The following EGFLAM variants were observed in gnomAD, a reference collection of about 807,000 sequenced individuals.
The protein encoded by EGFLAM is EGF like, fibronectin type III and laminin G domains.
A neutral mutation model predicts 113.1 loss-of-function variants in EGFLAM; 79 were observed. The ratio of observed to expected loss-of-function variants is 0.70; its 90% CI spans 0.58 to 0.84. The LOEUF (loss-of-function observed/expected upper bound fraction) is 0.84. Among genes scored for constraint, EGFLAM ranks in the 40% least tolerant of loss-of-function variants. The pLI is 0.00. For synonymous variants in EGFLAM, 504 were observed against 487.6 expected (o/e 1.03, Z -0.44); for missense variants, 1,265 against 1,291.6 (o/e 0.98, Z 0.32).
At chr5:38,368,839 C>T (rs1740134414) in intron 5 of EGFLAM, among the ~76,000 whole-genome samples, 1 of 151,900 alleles carries the variant, frequency 6.6e-6, no homozygotes, top group Non-Finnish European at 1.5e-5. Context: ...CTGTTCAGTG[C>T]CTTAGTTCCC....
intron 1 of EGFLAM, among the ~76,000 whole-genome samples, chr5:38,279,350 C>A (rs1757962572): frequency 1.3e-5 from 2 of 152,138 alleles, no homozygotes; most frequent in Non-Finnish European, 2.9e-5. Flanking sequence ...TATGAACCAG[C>A]AATCCCACTA....
At chr5:38,357,563 A>G (rs1194571245) in intron 5 of EGFLAM, among the ~76,000 whole-genome samples, 2 of 152,130 alleles carry the variant, frequency 1.3e-5, no homozygotes, top group Non-Finnish European at 2.9e-5. Context: ...CTTCCTGTGT[A>G]CAGAAGCACA....
chr5:38,372,243 A>G (rs1740243511), intron 6 of EGFLAM, among the ~76,000 whole-genome samples: 1 of 151,930 alleles, frequency 6.6e-6, no homozygotes, highest in Admixed American at 6.6e-5. Context: ...CCCAGGTTCA[A>G]GCAATTCTCC....
rs180788191 is a variant in EGFLAM at position 38,331,418 on chromosome 5, A to G, written c.98-6102A>G. Among the ~76,000 whole-genome samples the G allele has an allele frequency of 1.4e-3, 212 of 152,250 alleles. 2 individuals are homozygous for G. Among genetic ancestry groups the G allele is most frequent in the Non-Finnish European group, 5.3e-4 (36 of 68,022 alleles). On this transcript the variant is annotated intron_variant, in intron 1 of 21. Coordinates refer to ENST00000322350, the MANE Select transcript of EGFLAM (RefSeq NM_152403.4). Reference sequence around the variant, plus strand: ...GCCTATTCATCCCTTGCTCTCTCCTAATACCTGGCAACCACTGGTCTTTTT... The same window carrying G: ...GCCTATTCATCCCTTGCTCTCTCCTGATACCTGGCAACCACTGGTCTTTTT...
chr5:38,403,138 CAG>C (rs1479828341), intron 6 of EGFLAM: 1 of 152,084 alleles, frequency 6.6e-6, no homozygotes, highest in African/African-American at 2.4e-5. Flanking sequence ...AGGGAAAGGA[CAG>C]AGGGGAGAAA....
intron 1 of EGFLAM, among the ~76,000 whole-genome samples, chr5:38,314,263 C>T (rs1194437040): frequency 6.6e-6 from 1 of 152,138 alleles, no homozygotes; most frequent in Non-Finnish European, 1.5e-5. Context: ...CCCATTTATC[C>T]AAGATGTCTT....
chr5:38,263,622 CA>C (rs1349435448), intron 1 of EGFLAM, among the ~76,000 whole-genome samples: 1 of 152,062 alleles, frequency 6.6e-6, no homozygotes, highest in African/African-American at 2.4e-5. Flanking sequence ...TGGTGTCTTT[CA>C]AAATGTAGAA....
intron 17 of EGFLAM, chr5:38,445,550 A>G: frequency 6.3e-7 from 1 of 1,585,906 alleles, no homozygotes; most frequent in African/African-American, 1.3e-5. Context: ...GACGTTCTGG[A>G]CTCTCGGGCA....
chr5:38,295,450 T>C (rs548176252), intron 1 of EGFLAM, among the ~76,000 whole-genome samples: 2 of 152,262 alleles, frequency 1.3e-5, no homozygotes, highest in Admixed American at 6.5e-5. Flanking sequence ...TGAATAAAGT[T>C]TAGATTGAAA....
At chr5:38,388,598 ATG>A (rs1318217891) in intron 6 of EGFLAM, among the ~76,000 whole-genome samples, 1,655 of 151,634 alleles carry the variant, frequency 0.011, 45 homozygotes, top group African/African-American at 0.038. Context: ...ATATATATAT[ATG>A]TATATATAAA....
intron 3 of EGFLAM, among the ~76,000 whole-genome samples, chr5:38,349,772 C>T (rs1015243400): frequency 7.7e-5 from 8 of 103,988 alleles, no homozygotes; most frequent in East Asian, 6.5e-4. Context: ...GAAGTACACA[C>T]GCACACACAC....
At chr5:38,419,733 A>G (rs540876768) in intron 12 of EGFLAM, among the ~76,000 whole-genome samples, 2 of 152,308 alleles carry the variant, frequency 1.3e-5, no homozygotes, top group Admixed American at 6.5e-5. Flanking sequence ...TACTTTACAG[A>G]TAAGAACCAA....
In EGFLAM at chr5:38,456,525, C is replaced by T. The variant is rs1415731399; in HGVS notation, c.2688-1786C>T. ...CAAGGAGGTACTTGATGTGGGAAAA[C>T]TCATTAGAAAACAGTGGACTTTTCA... On this transcript the variant is annotated intron_variant, in intron 19 of 21. Coordinates refer to ENST00000322350, the MANE Select transcript of EGFLAM (RefSeq NM_152403.4). Among the ~76,000 whole-genome samples, 4 of 152,150 alleles carry T rather than the reference C, an allele frequency of 2.6e-5. No homozygotes were observed. In the East Asian group the frequency reaches 5.8e-4, roughly 22 times the overall value.
intron 1 of EGFLAM, among the ~76,000 whole-genome samples, chr5:38,259,081 G>C (rs2111668215): frequency 6.6e-6 from 1 of 152,360 alleles, no homozygotes. Flanking sequence ...TCCAGACATA[G>C]TAGATAGAGG....
At chr5:38,343,297 T>C (rs1400609056) in intron 3 of EGFLAM, among the ~76,000 whole-genome samples, 1 of 151,760 alleles carries the variant, frequency 6.6e-6, no homozygotes, top group Non-Finnish European at 1.5e-5. Flanking sequence ...TCCCAGCTAC[T>C]TGGGAGTCTG....
In EGFLAM at chr5:38,444,682, C is replaced by G. The variant is rs557480827; in HGVS notation, c.2465-3619C>G. ...CATGTTGGCCAGGCGCAGTGGCTCACACCTGTAATCCAGGCGCTTTGGGAG... is the reference window on the plus strand; with the variant it reads ...CATGTTGGCCAGGCGCAGTGGCTCAGACCTGTAATCCAGGCGCTTTGGGAG... On this transcript the variant is annotated intron_variant, in intron 17 of 21. Transcript: ENST00000322350. 1.2e-4 allele frequency among the ~76,000 whole-genome samples: 18 copies of G among 152,306 alleles called. No homozygotes were observed. In the South Asian group the frequency reaches 3.7e-3, roughly 32 times the overall value.
chr5:38,443,857 G>A (rs545195570), intron 17 of EGFLAM, among the ~76,000 whole-genome samples: 1 of 148,646 alleles, frequency 6.7e-6, no homozygotes, highest in Non-Finnish European at 1.5e-5. Flanking sequence ...TGCAGCCTCC[G>A]CCTCCCAGGT....
At chr5:38,367,102 CA>C (rs1384520413) in intron 5 of EGFLAM, among the ~76,000 whole-genome samples, 1 of 152,126 alleles carries the variant, frequency 6.6e-6, no homozygotes, top group Admixed American at 6.5e-5. Flanking sequence ...CACTACTTGG[CA>C]AAATGCTTGC....
At chr5:38,383,019 A>G (rs1162827063) in intron 6 of EGFLAM, among the ~76,000 whole-genome samples, 1 of 152,188 alleles carries the variant, frequency 6.6e-6, no homozygotes, top group Non-Finnish European at 1.5e-5. Context: ...AGCAGATGGC[A>G]GTAGTTCCCA....
Sources: allele counts gnomAD v4.1 joint callset (sites outside exome capture counted in the v4.1 genomes callset), GRCh38; gene constraint gnomAD v4.1.1; transcripts MANE v1.5; gene names NCBI Gene and HGNC (gene_info 2026-07-23, HGNC 2026-07-21).